PTPRG: variants seen among roughly 807,000 people sequenced by gnomAD.
The protein encoded by PTPRG is protein tyrosine phosphatase receptor type G.
In PTPRG, 102 loss-of-function variants were observed where a neutral mutation model predicts 165.3. The ratio of observed to expected loss-of-function variants is 0.62; its 90% CI spans 0.53 to 0.73. The LOEUF (loss-of-function observed/expected upper bound fraction) is 0.73. Ranked by LOEUF, PTPRG falls within the 30% of genes least tolerant of loss-of-function variation. The pLI, the probability that PTPRG is intolerant of heterozygous loss-of-function variation, is 0.00. For synonymous variants in PTPRG, 675 were observed against 669.5 expected, an observed-to-expected ratio of 1.01 and a Z score of -0.13; for missense variants, 1,866 against 1,861.4, an observed-to-expected ratio of 1.00 and a Z score of -0.05.
At chr3:62,163,802 T>C (rs1704861042) in intron 7 of PTPRG, among the ~76,000 whole-genome samples, 1 of 152,248 alleles carries the variant, frequency 6.6e-6, no homozygotes, top group African/African-American at 2.4e-5. Flanking sequence ...GTAATGCTGT[T>C]ACCTCCATTG....
intron 1 of PTPRG, among the ~76,000 whole-genome samples, chr3:61,708,471 T>TTTTTA (rs2031377258): frequency 7.9e-6 from 1 of 127,056 alleles, no homozygotes; most frequent in East Asian, 3.1e-4. Flanking sequence ...TTTTTTTTTT[T>TTTTTA]GAGACAGAGT....
rs372975455 is a variant in PTPRG, at chr3:62,214,746, A to G, written c.2156-4105A>G. On this transcript the variant is annotated intron_variant, in intron 12 of 29. Transcript: ENST00000474889. The surrounding 1 kb of genome is among the most constrained non-coding windows in gnomAD (Gnocchi z 5.2). ...ATGCACCTTCTCATTGAATTCCCCA[A>G]CAGTCCTATGAAGTAGGCTCTTTTC... Among the ~76,000 whole-genome samples the G allele has an allele frequency of 1.1e-4, 17 of 152,166 alleles. No individual in the cohort carries two copies. The highest frequency in any genetic ancestry group is 3.2e-3 in the Middle Eastern group (1 of 316).
At chr3:61,673,023 G>T (rs1311654642) in intron 1 of PTPRG, among the ~76,000 whole-genome samples, 2 of 152,092 alleles carry the variant, frequency 1.3e-5, no homozygotes, top group African/African-American at 4.8e-5. Context: ...GCTGGGTGTG[G>T]TGGTGCGTGC....
intron 1 of PTPRG, among the ~76,000 whole-genome samples, chr3:61,683,043 G>A (rs1036776614): frequency 6.6e-6 from 1 of 152,054 alleles, no homozygotes; most frequent in Non-Finnish European, 1.5e-5. Context: ...TAGATAAATC[G>A]ATTTGGTTTT....
Position 62,201,362 on chromosome 3 carries a change from T to C in PTPRG, c.1328-143T>C, listed in dbSNP as rs183409409. The C allele has an allele frequency of 1.3e-3, 887 of 680,446 alleles. 10 individuals carry two copies. The highest frequency in any genetic ancestry group is 3.2e-5 in the Non-Finnish European group (14 of 440,204). 42.2% of individuals were successfully genotyped at this position (680,446 alleles called of 1,614,324 possible). On this transcript the variant is annotated intron_variant, in intron 10 of 29. Coordinates refer to ENST00000474889, the MANE Select transcript of PTPRG (RefSeq NM_002841.4). ...TCGTAAGCCAAGAAGGGCTTTATATTTTTAAATGGTTGGAAAAAATCTACA... is the reference window on the plus strand; with the variant it reads ...TCGTAAGCCAAGAAGGGCTTTATATCTTTAAATGGTTGGAAAAAATCTACA...
intron 1 of PTPRG, among the ~76,000 whole-genome samples, chr3:61,675,801 C>T (rs1703197784): frequency 6.6e-6 from 1 of 152,094 alleles, no homozygotes; most frequent in African/African-American, 2.4e-5. Flanking sequence ...CTTTTGCATA[C>T]ATTTTGAATT....
intron 8 of PTPRG, among the ~76,000 whole-genome samples, chr3:62,170,939 C>G (rs2106743632): frequency 6.6e-6 from 1 of 152,278 alleles, no homozygotes; most frequent in African/African-American, 2.4e-5. Context: ...CATCCCCCTT[C>G]CTAATCACTC....
intron 5 of PTPRG, among the ~76,000 whole-genome samples, chr3:62,081,416 C>T (rs886511950): frequency 1.3e-5 from 2 of 152,128 alleles, no homozygotes; most frequent in East Asian, 1.9e-4. Context: ...AATTATGGCT[C>T]ACTACAGCCT....
At chr3:61,754,405 G>T (rs1359190609) in intron 2 of PTPRG, among the ~76,000 whole-genome samples, 1 of 152,168 alleles carries the variant, frequency 6.6e-6, no homozygotes, top group Non-Finnish European at 1.5e-5. Flanking sequence ...TCACTACACT[G>T]TTCATATAAA....
At chr3:62,124,191 A>T in intron 5 of PTPRG, 1 of 804,702 alleles carries the variant, frequency 1.2e-6, no homozygotes, top group Admixed American at 2.1e-5. Context: ...GAAAAAAAAG[A>T]AGTCATGATT....
At chr3:61,790,243 T>C (rs796226466) in intron 2 of PTPRG, among the ~76,000 whole-genome samples, 1 of 152,208 alleles carries the variant, frequency 6.6e-6, no homozygotes, top group African/African-American at 2.4e-5. Context: ...CTTTGTCCCC[T>C]AATGTTGCTG....
intron 2 of PTPRG, among the ~76,000 whole-genome samples, chr3:61,875,946 A>G (rs2107457163): frequency 6.6e-6 from 1 of 152,278 alleles, no homozygotes; most frequent in Non-Finnish European, 1.5e-5. Context: ...ACTGAAATCT[A>G]GTCTCTACTT....
chr3:62,115,823 C>T (rs1696255740), intron 5 of PTPRG, among the ~76,000 whole-genome samples: 1 of 152,068 alleles, frequency 6.6e-6, no homozygotes, highest in Non-Finnish European at 1.5e-5. Context: ...AGGTGTGAGC[C>T]ACCACTCCTG....
rs1050708951 is a variant in PTPRG, at chr3:61,929,772, G to A, written c.191-59853G>A. Among the ~76,000 whole-genome samples, 7 of 152,366 alleles carry A rather than the reference G, an allele frequency of 4.6e-5. No homozygotes were observed. In the South Asian group the frequency reaches 1.5e-3, roughly 32 times the overall value. ...AGTGATTCAGGAGCAAGAGCGAGCA[G>A]TGGGTTCTTTCTAACGTGTCAGCCT... On this transcript the variant is annotated intron_variant, in intron 2 of 29. Transcript: ENST00000474889.
chr3:62,238,976 TA>T (rs1452554180), intron 14 of PTPRG, among the ~76,000 whole-genome samples: 3 of 152,138 alleles, frequency 2.0e-5, no homozygotes, highest in African/African-American at 7.2e-5. Context: ...CTCAGTTTCT[TA>T]AAGGGCACAG....
At chr3:61,862,289 T>C (rs1408653708) in intron 2 of PTPRG, among the ~76,000 whole-genome samples, 1 of 152,112 alleles carries the variant, frequency 6.6e-6, no homozygotes, top group Non-Finnish European at 1.5e-5. Flanking sequence ...TATTGAAACT[T>C]TTGGAAGTTG....
intron 1 of PTPRG, among the ~76,000 whole-genome samples, chr3:61,731,810 TTTC>T (rs2106837617): frequency 6.6e-6 from 1 of 152,238 alleles, no homozygotes; most frequent in East Asian, 1.9e-4. Flanking sequence ...TTTTTTCTTT[TTTC>T]TTTTTTTTGA....
At chr3:61,734,266 A>G (rs1426459880) in intron 1 of PTPRG, among the ~76,000 whole-genome samples, 1 of 152,200 alleles carries the variant, frequency 6.6e-6, no homozygotes, top group Non-Finnish European at 1.5e-5. Context: ...TAAAATCTGC[A>G]GGCTTTTTTC....
chr3:62,139,898 G>A (rs566077256), intron 6 of PTPRG, among the ~76,000 whole-genome samples: 5 of 152,164 alleles, frequency 3.3e-5, no homozygotes, highest in Admixed American at 1.3e-4. Flanking sequence ...CAGTGAATTT[G>A]CAAATATGCA....
Sources: allele counts gnomAD v4.1 joint callset (sites outside exome capture counted in the v4.1 genomes callset), GRCh38; gene constraint gnomAD v4.1.1; non-coding constraint Gnocchi (gnomAD v3.1); transcripts MANE v1.5; gene names NCBI Gene and HGNC (gene_info 2026-07-23, HGNC 2026-07-21).